ATG2B: variants seen among roughly 807,000 people sequenced by gnomAD.
ATG2B encodes autophagy related 2B, also known as autophagy-related protein 2 homolog B.
In ATG2B, 121 loss-of-function variants were observed where a neutral mutation model predicts 241.3. The ratio of observed to expected loss-of-function variants is 0.50; its 90% CI spans 0.43 to 0.58. The LOEUF is 0.58. ATG2B is among the 20% of genes least tolerant of loss of function. The pLI, the probability that ATG2B is intolerant of heterozygous loss-of-function variation, is 0.00. For synonymous variants in ATG2B, 858 were observed against 876.6 expected (o/e 0.98, Z 0.37); for missense variants, 2,306 against 2,491.6 (o/e 0.93, Z 1.59).
At position 96,333,685 on chromosome 14, in the gene ATG2B, T is replaced by C. The variant is rs1887798156; in HGVS notation, c.1207+3A>G. The C allele has an allele frequency of 6.2e-7, 1 of 1,611,354 alleles. No homozygotes were observed. Among genetic ancestry groups the C allele is most frequent in the African/African-American group, 1.3e-5 (1 of 74,740 alleles). Reference sequence around the variant, plus strand: ...TCTGGTGTCAACAGTTTGAGTTGCTTACCACGGCTAGAAGGTGTACGAGCT... The same window carrying C: ...TCTGGTGTCAACAGTTTGAGTTGCTCACCACGGCTAGAAGGTGTACGAGCT... On this transcript the variant is annotated splice_donor_region_variant and intron_variant, in intron 8 of 41. Coordinates refer to ENST00000359933, the MANE Select transcript of ATG2B (RefSeq NM_018036.7).
chr14:96,335,177 A>G (rs1327670244), intron 6 of ATG2B, among the ~76,000 whole-genome samples: 3 of 152,184 alleles, frequency 2.0e-5, no homozygotes, highest in Non-Finnish European at 4.4e-5. Flanking sequence ...CAATTACTTT[A>G]TTCTCTATAT....
chr14:96,319,718 T>C (rs1887410897), intron 18 of ATG2B, among the ~76,000 whole-genome samples: 1 of 152,200 alleles, frequency 6.6e-6, no homozygotes, highest in East Asian at 1.9e-4. Context: ...TAGAATGTCC[T>C]TGTATGTGGG....
intron 8 of ATG2B, 47 bp from the exon 9 acceptor site, chr14:96,332,702 C>T (rs1223651381): frequency 6.9e-7 from 1 of 1,456,402 alleles, no homozygotes; most frequent in South Asian, 1.6e-5. Flanking sequence ...CCCACCAATT[C>T]AAGTCTTTTA....
At chr14:96,298,012 C>T (rs2139843290) in intron 34 of ATG2B, among the ~76,000 whole-genome samples, 1 of 152,104 alleles carries the variant, frequency 6.6e-6, no homozygotes, top group African/African-American at 2.4e-5. Context: ...CCAGGCTGAT[C>T]TTGAACTTCT....
At chr14:96,323,337 C>CTG (rs1472831119) in intron 16 of ATG2B, among the ~76,000 whole-genome samples, 1 of 152,126 alleles carries the variant, frequency 6.6e-6, no homozygotes, top group Non-Finnish European at 1.5e-5. Flanking sequence ...AGAGTAATCC[C>CTG]TTTCCTAAGC....
At chr14:96,309,321 C>A in intron 29 of ATG2B, 132 bp downstream of exon 29, 1 of 1,151,694 alleles carries the variant, frequency 8.7e-7, no homozygotes, top group Non-Finnish European at 1.2e-6. Context: ...TAGACACAAG[C>A]TGAATGATTA....
intron 25 of ATG2B, among the ~76,000 whole-genome samples, chr14:96,312,747 G>T (rs923045213): frequency 1.3e-5 from 2 of 152,002 alleles, no homozygotes; most frequent in Admixed American, 1.3e-4. Flanking sequence ...GCAAGACCCT[G>T]TCTCTAAAAA....
intron 6 of ATG2B, among the ~76,000 whole-genome samples, chr14:96,335,675 A>G (rs957203766): frequency 2.6e-5 from 4 of 152,134 alleles, no homozygotes; most frequent in African/African-American, 4.8e-5. Context: ...CCCACAGACA[A>G]CTTATTTTAC....
At position 96,325,920 on chromosome 14, in the gene ATG2B, G is replaced by A; in HGVS notation, c.2166C>T (p.His722=). ...YTSYNKHISL[H]KAFTEVFLDD... Reference sequence around the variant, plus strand: ...CTAGAAACACTTCAGTGAAAGCCTTGTGCTAAAACACAAAACATCAAAAAT... The same window carrying A: ...CTAGAAACACTTCAGTGAAAGCCTTATGCTAAAACACAAAACATCAAAAAT... The change falls in exon 15 of 42, where the codon CAC becomes CAT. Residue 722 remains histidine (H), a splice_region_variant and synonymous_variant. Transcript: ENST00000359933. 6.2e-7 allele frequency: 1 copy of A among 1,609,360 alleles called. No homozygotes were observed. Among genetic ancestry groups the A allele is most frequent in the Non-Finnish European group, 8.5e-7 (1 of 1,177,664 alleles).
rs7147433 is a variant in ATG2B, at chr14:96,295,653, C to T, written c.5140-93G>A. On this transcript the variant is annotated intron_variant, in intron 34 of 41. Transcript: ENST00000359933. ...AAGTATCTTAAACTCATATATTTTACTCATTGTTCAAATATAGCTACAATT... is the reference window on the plus strand; with the variant it reads ...AAGTATCTTAAACTCATATATTTTATTCATTGTTCAAATATAGCTACAATT... The T allele has an allele frequency of 3.7e-3, 2,888 of 770,894 alleles. 72 individuals are homozygous for T. In the African/African-American group the frequency reaches 0.046, roughly 12 times the overall value. The allele number at this position is 770,894 out of a possible 1,614,324, so 47.8% of individuals were successfully genotyped here. A position where few individuals can be genotyped will look rare whatever the true frequency, so the allele number is the denominator to read the frequency against.
intron 6 of ATG2B, among the ~76,000 whole-genome samples, chr14:96,340,055 GA>G (rs1371361442): frequency 9.8e-6 from 1 of 102,478 alleles, no homozygotes; most frequent in Non-Finnish European, 2.4e-5. Flanking sequence ...TGATATATAT[GA>G]ATATATGCTA....
At chr14:96,341,773 G>A (rs1341909911) in intron 5 of ATG2B, 72 bp from the exon 6 acceptor site, 2 of 1,142,198 alleles carry the variant, frequency 1.8e-6, no homozygotes, top group Admixed American at 3.1e-5. Flanking sequence ...AAATATAAAT[G>A]TCAACTTAAG....
At chr14:96,356,148 G>A (rs9671679) in intron 1 of ATG2B, among the ~76,000 whole-genome samples, 3,631 of 146,542 alleles carry the variant, frequency 0.025, 154 homozygotes, top group African/African-American at 0.087. Context: ...TCCAACCTGG[G>A]TGACAGAGCA....
chr14:96,315,522 G>C lies in ATG2B; in HGVS notation c.3423C>G (p.His1141Gln), dbSNP rs1319231075. Residue 1141 changes from histidine (H) to glutamine (Q), a missense_variant, in exon 22 of 42, where the codon CAC (histidine) becomes CAG (glutamine). Physicochemically the swap from His to Gln is conservative, Grantham distance 24. This residue lies in a region of ATG2B where 1,927 missense variants were observed against 2,011.2 expected (regional missense o/e 0.96). Transcript: ENST00000359933. ...ETRLPSSTRP[H>Q]WLEPTIYSSE... Reference sequence around the variant, plus strand: ...AGGAATAAATAGTAGGTTCCAACCAGTGTGGGCGGGTTGAGCTGGGAAGTC... The same window carrying C: ...AGGAATAAATAGTAGGTTCCAACCACTGTGGGCGGGTTGAGCTGGGAAGTC... The C allele has an allele frequency of 3.1e-6, 5 of 1,614,068 alleles. No homozygotes were observed. The highest frequency in any genetic ancestry group is 4.2e-6 in the Non-Finnish European group (5 of 1,180,030).
Position 96,347,359 on chromosome 14 carries a change from G to C in ATG2B, c.163-18C>G, listed in dbSNP as rs570128859. The C allele has an allele frequency of 6.5e-7, 1 of 1,533,822 alleles. No homozygotes were observed. The highest frequency in any genetic ancestry group is 1.8e-5 in the Admixed American group (1 of 56,008). On this transcript the variant is annotated intron_variant, in intron 1 of 41. Coordinates refer to ENST00000359933, the MANE Select transcript of ATG2B (RefSeq NM_018036.7). ...TTGAGACACTAAGGAGAAAAAACAG[G>C]TTCATTATGAATCACAAGAACAAGA...
chr14:96,294,394 G>T (rs918251290), intron 36 of ATG2B, among the ~76,000 whole-genome samples: 1 of 152,222 alleles, frequency 6.6e-6, no homozygotes, highest in Non-Finnish European at 1.5e-5. Context: ...GTCTGTAAAT[G>T]AGGAAACTGC....
intron 13 of ATG2B, 60 bp from the exon 14 acceptor site, chr14:96,328,595 G>C: frequency 1.0e-5 from 16 of 1,552,560 alleles, no homozygotes; most frequent in Admixed American, 2.0e-5. Flanking sequence ...TATATAATTG[G>C]GTTAAAACCT....
chr14:96,337,628 T>C lies in ATG2B; in HGVS notation c.925-3127A>G, dbSNP rs532289686. 6.4e-4 allele frequency among the ~76,000 whole-genome samples: 97 copies of C among 152,334 alleles called. 1 individual carries two copies. The highest frequency in any genetic ancestry group is 1.1e-3 in the Non-Finnish European group (78 of 68,020). On this transcript the variant is annotated intron_variant, in intron 6 of 41. Coordinates refer to ENST00000359933, the MANE Select transcript of ATG2B (RefSeq NM_018036.7). ...TTTCTGGGTTCTCTATTCTGTTCCATTGGACTAAGTGCCTATTTTTATACC... is the reference window on the plus strand; with the variant it reads ...TTTCTGGGTTCTCTATTCTGTTCCACTGGACTAAGTGCCTATTTTTATACC...
chr14:96,337,370 G>A (rs952362405), intron 6 of ATG2B, among the ~76,000 whole-genome samples: 3 of 152,124 alleles, frequency 2.0e-5, no homozygotes, highest in South Asian at 4.1e-4. Context: ...CAAGTTTCCT[G>A]GTTCTCCATA....
Sources: gnomAD v4.1 joint callset for allele counts (sites outside exome capture counted in the v4.1 genomes callset) on GRCh38, gnomAD v4.1.1 for gene constraint, gnomAD v4.1.1 regional missense constraint, MANE v1.5 for transcripts, NCBI Gene and HGNC (gene_info 2026-07-23, HGNC 2026-07-21) for gene names.